Variants in ADGRE3 observed in about 807,000 individuals in gnomAD.
The protein encoded by ADGRE3 is adhesion G protein-coupled receptor E3.
In ADGRE3, 88 loss-of-function variants were observed where a neutral mutation model predicts 80.1. The observed-to-expected ratio is 1.10, with a 90% CI of 0.93 to 1.31. ADGRE3 has a LOEUF of 1.31. Ranked by LOEUF, ADGRE3 falls within the 40% of genes most tolerant of loss-of-function variation. The pLI is 0.00. For synonymous variants in ADGRE3, 281 were observed against 294.8 expected, an observed-to-expected ratio of 0.95 and a Z score of 0.48; for missense variants, 715 against 776.5, an observed-to-expected ratio of 0.92 and a Z score of 0.94.
the ADGRE3 span, among the ~76,000 whole-genome samples, chr19:14,613,395 A>ATTT: frequency 2.1e-5 from 3 of 143,702 alleles, no homozygotes; most frequent in Admixed American, 7.0e-5. Context: ...GCTAATTTTA[A>ATTT]TTTTTTTTTT....
intron 4 of ADGRE3, among the ~76,000 whole-genome samples, chr19:14,658,821 A>G (rs939153804): frequency 6.6e-6 from 1 of 151,492 alleles, no homozygotes; most frequent in African/African-American, 2.4e-5. Context: ...TGCAACCTTC[A>G]CCTCCTGGGT....
At chr19:14,613,481 T>G in the ADGRE3 span, among the ~76,000 whole-genome samples, 47 of 152,180 alleles carry the variant, frequency 3.1e-4, no homozygotes, top group Non-Finnish European at 7.4e-5. Context: ...TCCTCCTGCT[T>G]CAGCCTCCTA....
At chr19:14,628,720 C>A in intron 14 of ADGRE3, 1 of 388,262 alleles carries the variant, frequency 2.6e-6, no homozygotes, top group South Asian at 2.2e-5. Flanking sequence ...TGGGATGGAT[C>A]TATGAGTTTG....
intron 6 of ADGRE3, 34 bp downstream of exon 6, chr19:14,654,948 C>A (rs1241658689): frequency 3.8e-6 from 6 of 1,580,812 alleles, no homozygotes; most frequent in Non-Finnish European, 5.2e-6. Flanking sequence ...GCTAACCAGT[C>A]CCCAGGGTGT....
intron 14 of ADGRE3, among the ~76,000 whole-genome samples, 189 bp from the exon 15 acceptor site, chr19:14,625,788 C>T (rs927714220): frequency 6.6e-6 from 1 of 152,148 alleles, no homozygotes; most frequent in African/African-American, 2.4e-5. Context: ...TGCTACCACA[C>T]GGATGAACCT....
Position 14,655,078 on chromosome 19 carries a change from C to T in ADGRE3, c.481G>A (p.Ala161Thr). Residue 161 changes from alanine (A) to threonine (T), a missense_variant, in exon 6 of 16, where the codon GCT (alanine) becomes ACT (threonine). By Grantham distance (58) the Ala-to-Thr change is moderately conservative. Coordinates refer to ENST00000253673, the MANE Select transcript of ADGRE3 (RefSeq NM_032571.5). ...TEGRQEISST[A>T]TTILRDVESK... is the part of the protein sequence containing the mutation. The stretch of plus-strand genomic sequence containing the variant: ...TCCACATCCCGGAGAATAGTGGTAG[C>T]TGTGGATGAGATTTCTTGTCTCCCT... 2 of 1,613,962 alleles carry T rather than the reference C, an allele frequency of 1.2e-6. No homozygotes were observed. Among genetic ancestry groups the T allele is most frequent in the South Asian group, 1.1e-5 (1 of 91,082 alleles).
intron 1 of ADGRE3, among the ~76,000 whole-genome samples, chr19:14,671,828 C>T (rs767344713): frequency 1.2e-4 from 18 of 151,218 alleles, no homozygotes; most frequent in Non-Finnish European, 2.1e-4. Flanking sequence ...TTTCTGTTGC[C>T]CCGGTTGGAG....
chr19:14,644,166 G>A lies in ADGRE3; in HGVS notation c.992C>T (p.Thr331Ile). The change falls in exon 9 of 16, where the codon ACC becomes ATC. Residue 331 changes from threonine to isoleucine, a missense_variant. Coordinates refer to ENST00000253673, the MANE Select transcript of ADGRE3 (RefSeq NM_032571.5). Reference sequence around the variant, plus strand: ...GGACAGGTGACTGCAATTACACATGGTGTGACTCTTGTTCACGTGTATCAG... The same window carrying A: ...GGACAGGTGACTGCAATTACACATGATGTGACTCTTGTTCACGTGTATCAG... ...CFLIHVNKSH[T>I]MCNCSHLSSF... 1 of 1,607,664 alleles carries A rather than the reference G, an allele frequency of 6.2e-7. No individual in the cohort carries two copies. The highest frequency in any genetic ancestry group is 1.1e-5 in the South Asian group (1 of 90,084).
At chr19:14,633,165 C>T in intron 12 of ADGRE3, 71 bp downstream of exon 12, 1 of 1,416,314 alleles carries the variant, frequency 7.1e-7, no homozygotes, top group South Asian at 1.2e-5. Flanking sequence ...ATGCAAGCCC[C>T]TTGTACCATC....
rs141442018 is a variant in ADGRE3, at chr19:14,667,344, GTT to G, written c.76+1456_76+1457del. 3.2e-3 allele frequency among the ~76,000 whole-genome samples: 450 copies of G among 139,614 alleles called. 1 individual carries two copies. The highest frequency in any genetic ancestry group is 0.011 in the African/African-American group (421 of 38,532). The allele number at this position is 139,614 out of a possible 152,430, so 91.6% of individuals were successfully genotyped here. A position where few individuals can be genotyped will look rare whatever the true frequency, so the allele number is the denominator to read the frequency against. On this transcript the variant is annotated intron_variant, in intron 2 of 15. Transcript: ENST00000253673. ...CTTTTCCATGAATGTCTTCTTTTCTGTTTTTTTTTTTTTTAAATTTGGTAACA... is the reference window on the plus strand; with the variant it reads ...CTTTTCCATGAATGTCTTCTTTTCTGTTTTTTTTTTTTAAATTTGGTAACA...
chr19:14,638,427 G>T, intron 10 of ADGRE3, 87 bp from the exon 11 acceptor site: 1 of 948,726 alleles, frequency 1.1e-6, no homozygotes, highest in Non-Finnish European at 1.6e-6. Flanking sequence ...TTTGGGTTCA[G>T]AGCACCTGAC....
the ADGRE3 span, among the ~76,000 whole-genome samples, chr19:14,603,632 G>A: frequency 6.7e-6 from 1 of 149,532 alleles, no homozygotes; most frequent in Non-Finnish European, 1.5e-5. Context: ...GCTAAGTTTT[G>A]TATTTTTTTT....
At position 14,654,984 on chromosome 19, in the gene ADGRE3, A is replaced by T. The variant is rs762170265; in HGVS notation, c.575T>A (p.Val192Glu). ...ATCAGTCCTCATTATTGTCTTACCT[A>T]CACTATCGTTTTGGATTTTCAGGAC... ...QKVLKIQNDSVAIETQAITDN... is the reference protein window; with the variant it reads ...QKVLKIQNDSEAIETQAITDN... Residue 192 changes from valine (V) to glutamate (E), a missense_variant and splice_region_variant, in exon 6 of 16, where the codon GTA becomes GAA. Physicochemically the swap from Val to Glu is moderately radical, Grantham distance 121. Transcript: ENST00000253673. 32 of 1,613,542 alleles carry T rather than the reference A, an allele frequency of 2.0e-5. No individual in the cohort carries two copies. The East Asian group carries it at 7.1e-4, about 36-fold the overall frequency.
chr19:14,655,050 G>C lies in ADGRE3; in HGVS notation c.509C>G (p.Ser170Trp). ...TTTCAAGGCAGTTTCTAGAACTTTC[G>C]ATTCCACATCCCGGAGAATAGTGGT... The part of the protein sequence containing the change: ...TATTILRDVE[S>W]KVLETALKDP... Residue 170 changes from serine (S) to tryptophan (W), a missense_variant, in exon 6 of 16, where the codon TCG (serine) becomes TGG (tryptophan). Coordinates refer to ENST00000253673, the MANE Select transcript of ADGRE3 (RefSeq NM_032571.5). 1 of 1,614,004 alleles carries C rather than the reference G, an allele frequency of 6.2e-7. No individual in the cohort carries two copies. The highest frequency in any genetic ancestry group is 8.5e-7 in the Non-Finnish European group (1 of 1,179,968).
In ADGRE3 at chr19:14,654,979, T is replaced by C; in HGVS notation, c.577+3A>G. 3.7e-6 allele frequency: 6 copies of C among 1,613,470 alleles called. No individual in the cohort carries two copies. Among genetic ancestry groups the C allele is most frequent in the South Asian group, 1.1e-5 (1 of 91,036 alleles). On this transcript the variant is annotated splice_donor_region_variant and intron_variant, in intron 6 of 15. Transcript: ENST00000253673. ...GGTGTATCAGTCCTCATTATTGTCTTACCTACACTATCGTTTTGGATTTTC... is the reference window on the plus strand; with the variant it reads ...GGTGTATCAGTCCTCATTATTGTCTCACCTACACTATCGTTTTGGATTTTC...
At chr19:14,647,082 T>C (rs1041952728) in intron 8 of ADGRE3, 99 bp downstream of exon 8, 4 of 936,254 alleles carry the variant, frequency 4.3e-6, no homozygotes, top group Non-Finnish European at 6.7e-6. Context: ...ACTACGACCC[T>C]GAACAGAGTG....
chr19:14,664,393 C>T (rs771013928), intron 2 of ADGRE3, among the ~76,000 whole-genome samples: 3 of 151,996 alleles, frequency 2.0e-5, no homozygotes, highest in East Asian at 1.9e-4. Flanking sequence ...GCCGAGATCG[C>T]GCCATTGTGA....
the ADGRE3 span, among the ~76,000 whole-genome samples, chr19:14,611,874 T>C: frequency 6.6e-6 from 1 of 152,012 alleles, no homozygotes; most frequent in Admixed American, 6.6e-5. Context: ...CGTGGTGGCA[T>C]GTGCCTGTAA....
intron 14 of ADGRE3, among the ~76,000 whole-genome samples, chr19:14,626,871 C>T (rs536667298): frequency 4.6e-5 from 7 of 152,224 alleles, no homozygotes; most frequent in East Asian, 1.9e-4. Flanking sequence ...GGTTGATGGC[C>T]GGTCTCAAGG....
Sources: allele counts gnomAD v4.1 joint callset (sites outside exome capture counted in the v4.1 genomes callset), GRCh38; gene constraint gnomAD v4.1.1; transcripts MANE v1.5; gene names NCBI Gene and HGNC (gene_info 2026-07-23, HGNC 2026-07-21).